The following GRIN3B variants were observed in gnomAD, a reference collection of about 807,000 sequenced individuals.
The protein encoded by GRIN3B is glutamate ionotropic receptor NMDA type subunit 3B.
In GRIN3B, 77 loss-of-function variants were observed where a neutral mutation model predicts 66.0. The ratio of observed to expected loss-of-function variants is 1.17; its 90% CI spans 0.97 to 1.41. The LOEUF is 1.41. Ranked by LOEUF, GRIN3B falls within the 40% of genes most tolerant of loss-of-function variation. The pLI, the probability that GRIN3B is intolerant of heterozygous loss-of-function variation, is 0.00. For missense variants in GRIN3B, 1,787 were observed against 1,564.5 expected (o/e 1.14, Z -2.40); for synonymous variants, 823 against 749.7 (o/e 1.10, Z -1.60).
In GRIN3B at chr19:1,005,553, G is replaced by A. The variant is rs1436267052; in HGVS notation, c.2052G>A (p.Lys684=). The A allele has an allele frequency of 1.3e-6, 2 of 1,583,460 alleles. No homozygotes were observed. The highest frequency in any genetic ancestry group is 2.3e-5 in the South Asian group (2 of 87,644). Residue 684 remains lysine (K), a splice_region_variant and synonymous_variant, in exon 3 of 9, where the codon AAG becomes AAA. Coordinates refer to ENST00000234389, the MANE Select transcript of GRIN3B (RefSeq NM_138690.3). This position sits in a 1 kb window ranked among gnomAD's most constrained non-coding sequence, Gnocchi z 5.2. The part of the protein sequence containing the change: ...FEELSGIHDP[K]LHHPAQGFRF... ...AGCTGTCGGGGATCCACGACCCCAA[G>A]GTGGGCGGCCTCGGGGGGCTGCGGG... is the stretch of plus-strand genomic sequence containing the variant.
rs533032722 is a variant in GRIN3B, at chr19:1,003,162, C to G, written c.459C>G (p.Ser153Arg). 4 of 1,483,692 alleles carry G rather than the reference C, an allele frequency of 2.7e-6. No homozygotes were observed. The highest frequency in any genetic ancestry group is 2.9e-5 in the African/African-American group (2 of 68,386). 91.9% of individuals were successfully genotyped at this position (1,483,692 alleles called of 1,614,324 possible). Residue 153 changes from serine (S) to arginine (R), a missense_variant, in exon 2 of 9, where the codon AGC (serine) becomes AGG (arginine). Physicochemically the swap from Ser to Arg is moderately radical, Grantham distance 110. Coordinates refer to ENST00000234389, the MANE Select transcript of GRIN3B (RefSeq NM_138690.3). ...TCCACCTGCAGCTGCACTGGGCCAG[C>G]CCCCTGGAGACGCTGCTGGATGTGC... ...NPFHLQLHWA[S>R]PLETLLDVLV...
Position 1,000,496 on chromosome 19 carries a change from CG to C in GRIN3B, c.65del (p.Gly22AlafsTer49), listed in dbSNP as rs1410710745. On this transcript the variant is annotated frameshift_variant, in exon 1 of 9. Coordinates refer to ENST00000234389, the MANE Select transcript of GRIN3B (RefSeq NM_138690.3). LOFTEE classifies it high-confidence loss of function. ...GLALALGPGS[A>X]GGHPQPCGVL... ...GCGCTGGCGCTGGGGCCGGGGTCCG[CG>C]GGGGGCCACCCTCAGCCGTGCGGCG... is the stretch of plus-strand genomic sequence containing the variant. 2.4e-5 allele frequency: 29 copies of C among 1,201,568 alleles called. No individual in the cohort carries two copies. The highest frequency in any genetic ancestry group is 2.8e-5 in the Non-Finnish European group (27 of 967,922). The allele number at this position is 1,201,568 out of a possible 1,614,324, so 74.4% of individuals were successfully genotyped here.
rs10401245 is a variant in GRIN3B at position 1,009,486 on chromosome 19, C to G, written c.3016C>G (p.Gln1006Glu). The G allele has an allele frequency of 0.58, 859,465 of 1,487,074 alleles. 251,413 individuals carry two copies. The highest frequency in any genetic ancestry group is 0.68 in the African/African-American group (46,453 of 68,578). The allele number at this position is 1,487,074 out of a possible 1,614,324, so 92.1% of individuals were successfully genotyped here. Residue 1006 changes from glutamine to glutamate, a missense_variant, in exon 9 of 9, where the codon CAG (glutamine) becomes GAG (glutamate). Transcript: ENST00000234389. The stretch of plus-strand genomic sequence containing the variant: ...CCGCCAGGCCCTGGTGCGGCGCGGC[C>G]AGCTCCTGGCACAGCTCGGGGACAG... ...RLRQALVRRG[Q>E]LLAQLGDSAR...
chr19:1,002,456 A>T (rs1470367525), intron 1 of GRIN3B, among the ~76,000 whole-genome samples: 3 of 137,074 alleles, frequency 2.2e-5, no homozygotes, highest in Non-Finnish European at 4.6e-5. Flanking sequence ...ACAGAGCAAG[A>T]CTCCATCTCA....
At position 1,007,699 on chromosome 19, in the gene GRIN3B, G is replaced by A; in HGVS notation, c.2124G>A (p.Lys708=). The A allele has an allele frequency of 3.9e-6, 6 of 1,537,550 alleles. No homozygotes were observed. Among genetic ancestry groups the A allele is most frequent in the Non-Finnish European group, 4.4e-6 (5 of 1,143,034 alleles). ...WESSAEAYIK[K]SFPDMHAHMR... ...GCAGCGCCGAGGCGTACATCAAGAA[G>A]AGCTTCCCCGACATGCACGCACACA... The change falls in exon 4 of 9, where the codon AAG becomes AAA. Residue 708 remains lysine, a synonymous_variant. Coordinates refer to ENST00000234389, the MANE Select transcript of GRIN3B (RefSeq NM_138690.3). This position sits in a 1 kb window ranked among gnomAD's most constrained non-coding sequence, Gnocchi z 4.4.
Position 1,009,275 on chromosome 19 carries a change from C to A in GRIN3B, c.2805C>A (p.Arg935=), listed in dbSNP as rs1377344613. The A allele has an allele frequency of 1.4e-6, 2 of 1,418,158 alleles. No individual in the cohort carries two copies. The highest frequency in any genetic ancestry group is 1.5e-5 in the South Asian group (1 of 66,922). 87.8% of individuals were successfully genotyped at this position (1,418,158 alleles called of 1,614,324 possible). ...CCGTGGACAAGGAGCGCCGCGTGCG[C>A]TTCCTGCTGGAGCCCGCCGTGGTTG... is the stretch of plus-strand genomic sequence containing the variant. ...RRAVDKERRV[R]FLLEPAVVVA... The change falls in exon 9 of 9, where the codon CGC becomes CGA. Residue 935 remains arginine (R), a synonymous_variant. Transcript: ENST00000234389.
Position 1,007,506 on chromosome 19 carries a change from C to T in GRIN3B, c.2053-122C>T. On this transcript the variant is annotated intron_variant, in intron 3 of 8. Transcript: ENST00000234389. This position sits in a 1 kb window ranked among gnomAD's most constrained non-coding sequence, Gnocchi z 4.4. The stretch of plus-strand genomic sequence containing the variant: ...CTCTGGGCATGGAGTGGGTGGAGGC[C>T]AGGAATGCAGCCTCGGCGCCCTGCA... 1.7e-6 allele frequency: 2 copies of T among 1,189,168 alleles called. No homozygotes were observed. The highest frequency in any genetic ancestry group is 1.1e-6 in the Non-Finnish European group (1 of 915,394). 73.7% of individuals were successfully genotyped at this position (1,189,168 alleles called of 1,614,324 possible). A position where few individuals can be genotyped will look rare whatever the true frequency, so the allele number is the denominator to read the frequency against.
At position 1,004,658 on chromosome 19, in the gene GRIN3B, T is replaced by TGGGCAGCTGGCGGGAC. The variant is rs2038721941; in HGVS notation, c.1160_1175dup (p.Asp395AlafsTer43). ...CGGGGCGCCCCGGCCTGGGCCACGG[T>TGGGCAGCTGGCGGGAC]GGGCAGCTGGCGGGACGGCCAGCTG... On this transcript the variant is annotated frameshift_variant, in exon 3 of 9. Coordinates refer to ENST00000234389, the MANE Select transcript of GRIN3B (RefSeq NM_138690.3). LOFTEE classifies it high-confidence loss of function. 6.3e-7 allele frequency: 1 copy of TGGGCAGCTGGCGGGAC among 1,599,232 alleles called. No homozygotes were observed. Among genetic ancestry groups the TGGGCAGCTGGCGGGAC allele is most frequent in the African/African-American group, 1.3e-5 (1 of 74,392 alleles).
chr19:1,000,618 G>C lies in GRIN3B; in HGVS notation c.181G>C (p.Ala61Pro). ...CGCCCGCGCCGCCCTGGCCCGGGCC[G>C]CCCTGGCGCCGCGGCTGCCGCACAA... ...ARARAALARA[A>P]LAPRLPHNLS... Residue 61 changes from alanine (A) to proline (P), a missense_variant, in exon 1 of 9, where the codon GCC becomes CCC. Coordinates refer to ENST00000234389, the MANE Select transcript of GRIN3B (RefSeq NM_138690.3). The C allele has an allele frequency of 1.7e-6, 2 of 1,145,952 alleles. No homozygotes were observed. The highest frequency in any genetic ancestry group is 1.1e-6 in the Non-Finnish European group (1 of 935,932). The allele number at this position is 1,145,952 out of a possible 1,614,324, so 71.0% of individuals were successfully genotyped here.
chr19:1,003,202 C>G lies in GRIN3B; in HGVS notation c.499C>G (p.Gln167Glu). 6.5e-7 allele frequency: 1 copy of G among 1,535,106 alleles called. No individual in the cohort carries two copies. Residue 167 changes from glutamine to glutamate, a missense_variant, in exon 2 of 9, where the codon CAG becomes GAG. Physicochemically the swap from Gln to Glu is conservative, Grantham distance 29. Transcript: ENST00000234389. ...TLLDVLVAVLQAHAWEDVGLA... is the reference protein window; with the variant it reads ...TLLDVLVAVLEAHAWEDVGLA... ...GCTGGATGTGCTGGTGGCGGTGCTG[C>G]AGGCGCACGCCTGGGAAGACGTCGG...
At position 1,007,595 on chromosome 19, in the gene GRIN3B, C is replaced by A; in HGVS notation, c.2053-33C>A. On this transcript the variant is annotated intron_variant, in intron 3 of 8. Transcript: ENST00000234389. The surrounding 1 kb of genome is among the most constrained non-coding windows in gnomAD (Gnocchi z 4.4). Reference sequence around the variant, plus strand: ...CTCAATGGTCAGGGGTCCTGAGGGGCAGGCAGAGGCGCTGACGGGGTCCCC... The same window carrying A: ...CTCAATGGTCAGGGGTCCTGAGGGGAAGGCAGAGGCGCTGACGGGGTCCCC... 6.9e-7 allele frequency: 1 copy of A among 1,456,074 alleles called. No homozygotes were observed. The allele number at this position is 1,456,074 out of a possible 1,614,324, so 90.2% of individuals were successfully genotyped here.
Position 1,005,338 on chromosome 19 carries a change from G to A in GRIN3B, c.1837G>A (p.Val613Ile), listed in dbSNP as rs79866475. The A allele has an allele frequency of 8.1e-5, 130 of 1,613,640 alleles. No homozygotes were observed. Among genetic ancestry groups the A allele is most frequent in the African/African-American group, 3.7e-4 (28 of 74,926 alleles). The change falls in exon 3 of 9, where the codon GTC (valine) becomes ATC (isoleucine). Residue 613 changes from valine to isoleucine, a missense_variant. Transcript: ENST00000234389. The surrounding 1 kb of genome is among the most constrained non-coding windows in gnomAD (Gnocchi z 5.2). ...GCCACGTGGCCGCAACCGCAGCACCGTCTTCTCCTACTCCTCAGCCCTCAA... is the reference window on the plus strand; with the variant it reads ...GCCACGTGGCCGCAACCGCAGCACCATCTTCTCCTACTCCTCAGCCCTCAA... The part of the protein sequence containing the change: ...LTPRGRNRST[V>I]FSYSSALNLC...
At position 1,005,320 on chromosome 19, in the gene GRIN3B, G is replaced by A; in HGVS notation, c.1819G>A (p.Gly607Ser). The change falls in exon 3 of 9, where the codon GGC (glycine) becomes AGC (serine). Residue 607 changes from glycine (G) to serine (S), a missense_variant. Physicochemically the swap from Gly to Ser is moderately conservative, Grantham distance 56. Transcript: ENST00000234389. The surrounding 1 kb of genome is among the most constrained non-coding windows in gnomAD (Gnocchi z 5.2). ...WRSPYGLTPR[G>S]RNRSTVFSYS... is the part of the protein sequence containing the mutation. ...TAGCCCCTACGGCCTCACGCCACGT[G>A]GCCGCAACCGCAGCACCGTCTTCTC... The A allele has an allele frequency of 6.2e-7, 1 of 1,613,696 alleles. No individual in the cohort carries two copies. The highest frequency in any genetic ancestry group is 1.7e-5 in the Admixed American group (1 of 60,026).
Position 1,009,590 on chromosome 19 carries a change from G to A in GRIN3B, c.3120G>A (p.Gly1040=), listed in dbSNP as rs1266538115. The A allele has an allele frequency of 7.0e-7, 1 of 1,436,192 alleles. No individual in the cohort carries two copies. The highest frequency in any genetic ancestry group is 1.4e-5 in the South Asian group (1 of 70,912). 89.0% of individuals were successfully genotyped at this position (1,436,192 alleles called of 1,614,324 possible). ...AEAPPHSGRP[G]SQE The stretch of plus-strand genomic sequence containing the variant: ...CCCCACCACACTCTGGCCGACCGGG[G>A]AGCCAGGAATGAGGCGGCAGCCGGG... The change falls in exon 9 of 9, where the codon GGG becomes GGA. Residue 1040 remains glycine (G), a synonymous_variant. Coordinates refer to ENST00000234389, the MANE Select transcript of GRIN3B (RefSeq NM_138690.3).
In GRIN3B at chr19:1,003,601, G is replaced by T; in HGVS notation, c.898G>T (p.Val300Leu). 1 of 1,463,860 alleles carries T rather than the reference G, an allele frequency of 6.8e-7. No homozygotes were observed. The allele number at this position is 1,463,860 out of a possible 1,614,324, so 90.7% of individuals were successfully genotyped here. ...EAAIHDIVQL[V>L]ARALGSAAQV... is the part of the protein sequence containing the mutation. Reference sequence around the variant, plus strand: ...CGCCATCCATGACATTGTGCAACTGGTGGCCCGGGCGCTGGGCAGTGCGGC... The same window carrying T: ...CGCCATCCATGACATTGTGCAACTGTTGGCCCGGGCGCTGGGCAGTGCGGC... Residue 300 changes from valine to leucine, a missense_variant, in exon 2 of 9, where the codon GTG becomes TTG. Val to Leu is a conservative substitution (Grantham distance 32, BLOSUM62 1). Transcript: ENST00000234389.
At chr19:1,006,121 A>G (rs979011329) in intron 3 of GRIN3B, among the ~76,000 whole-genome samples, 3 of 152,018 alleles carry the variant, frequency 2.0e-5, no homozygotes, top group African/African-American at 7.2e-5. Context: ...AAGTGCTGGG[A>G]TTACAGGCGT....
In GRIN3B at chr19:1,008,789, A is replaced by T; in HGVS notation, c.2631+7A>T. 2 of 1,593,288 alleles carry T rather than the reference A, an allele frequency of 1.3e-6. No homozygotes were observed. The highest frequency in any genetic ancestry group is 1.7e-6 in the Non-Finnish European group (2 of 1,173,234). On this transcript the variant is annotated splice_region_variant and intron_variant, in intron 7 of 8. Transcript: ENST00000234389. ...CTGGCTGCACACCAGCCAGGTGGGG[A>T]GCGGGTGGGCGGCGGGCGGCCCCAC... is the stretch of plus-strand genomic sequence containing the variant.
chr19:1,008,259 C>A lies in GRIN3B; in HGVS notation c.2434C>A (p.Pro812Thr). 1 of 1,583,922 alleles carries A rather than the reference C, an allele frequency of 6.3e-7. No individual in the cohort carries two copies. The highest frequency in any genetic ancestry group is 1.7e-5 in the Admixed American group (1 of 58,746). ...CCACGACAAGTGGTACAAGATGGTG[C>A]CTTGCGGCAAGCGGGTCTTTGCGGT... ...LLHDKWYKMVPCGKRVFAVTE... is the reference protein window; with the variant it reads ...LLHDKWYKMVTCGKRVFAVTE... The change falls in exon 6 of 9, where the codon CCT (proline) becomes ACT (threonine). Residue 812 changes from proline (P) to threonine (T), a missense_variant. Transcript: ENST00000234389.
In GRIN3B at chr19:1,007,503, G is replaced by A. The variant is rs2038763459; in HGVS notation, c.2053-125G>A. 1.6e-5 allele frequency: 18 copies of A among 1,154,094 alleles called. No individual in the cohort carries two copies. Among genetic ancestry groups the A allele is most frequent in the East Asian group, 3.2e-5 (1 of 30,876 alleles). The allele number at this position is 1,154,094 out of a possible 1,614,324, so 71.5% of individuals were successfully genotyped here. A position where few individuals can be genotyped will look rare whatever the true frequency, so the allele number is the denominator to read the frequency against. ...GTGCTCTGGGCATGGAGTGGGTGGA[G>A]GCCAGGAATGCAGCCTCGGCGCCCT... On this transcript the variant is annotated intron_variant, in intron 3 of 8. Coordinates refer to ENST00000234389, the MANE Select transcript of GRIN3B (RefSeq NM_138690.3). The surrounding 1 kb of genome is among the most constrained non-coding windows in gnomAD (Gnocchi z 4.4).
Sources: gnomAD v4.1 joint callset for allele counts (sites outside exome capture counted in the v4.1 genomes callset) on GRCh38, gnomAD v4.1.1 for gene constraint, Gnocchi (gnomAD v3.1) non-coding constraint, MANE v1.5 for transcripts, NCBI Gene and HGNC (gene_info 2026-07-23, HGNC 2026-07-21) for gene names.